Variants in NRG3 observed in about 807,000 individuals in gnomAD.
NRG3 encodes the protein neuregulin 3, also known as pro-neuregulin-3, membrane-bound isoform.
Under a neutral mutation model 66.9 loss-of-function variants are expected in NRG3, and 31 were observed. That is an observed-to-expected ratio of 0.46 (90% CI 0.35 to 0.63). NRG3 has a LOEUF of 0.63. Among genes scored for constraint, NRG3 ranks in the 20% least tolerant of loss-of-function variants. The probability of loss-of-function intolerance (pLI) is 0.00; values close to 1 mark genes in which losing one functional copy is unlikely to be tolerated. For missense variants in NRG3, 910 were observed against 878.9 expected (o/e 1.04, Z -0.45); for synonymous variants, 393 against 359.4 (o/e 1.09, Z -1.06).
chr10:82,513,543 A>T (rs566783431), intron 2 of NRG3, among the ~76,000 whole-genome samples: 15 of 152,162 alleles, frequency 9.9e-5, no homozygotes, highest in Non-Finnish European at 1.3e-4. Context: ...CAATGGTTGA[A>T]CTGACTTACA....
chr10:82,320,113 C>T (rs1015027820), intron 1 of NRG3, among the ~76,000 whole-genome samples: 1 of 152,150 alleles, frequency 6.6e-6, no homozygotes, highest in African/African-American at 2.4e-5. Context: ...GCATACCTGT[C>T]AATAAATTCT....
chr10:82,334,649 G>A lies in NRG3; in HGVS notation c.824-24090G>A, dbSNP rs145144484. 3.2e-4 allele frequency among the ~76,000 whole-genome samples: 49 copies of A among 152,230 alleles called. No homozygotes were observed. In the East Asian group the frequency reaches 7.1e-3, roughly 22 times the overall value. ...GCTGAGTGACCTTGGGGATATATAA[G>A]TATTTGATACAGACTTAATATGAGG... is the stretch of plus-strand genomic sequence containing the variant. On this transcript the variant is annotated intron_variant, in intron 1 of 8. Coordinates refer to ENST00000372141, the MANE Select transcript of NRG3 (RefSeq NM_001010848.4).
At chr10:82,848,179 T>A (rs532611113) in intron 3 of NRG3, among the ~76,000 whole-genome samples, 3 of 152,342 alleles carry the variant, frequency 2.0e-5, no homozygotes, top group African/African-American at 7.2e-5. Context: ...TTGGATGTCA[T>A]AGATACAATG....
chr10:82,380,696 A>G (rs2085559735), intron 2 of NRG3, among the ~76,000 whole-genome samples: 1 of 152,148 alleles, frequency 6.6e-6, no homozygotes, highest in African/African-American at 2.4e-5. Flanking sequence ...CATATTTTTG[A>G]GGGATTCTAG....
chr10:82,523,776 AAAG>A (rs1259095741), intron 2 of NRG3, among the ~76,000 whole-genome samples: 2 of 152,110 alleles, frequency 1.3e-5, no homozygotes, highest in African/African-American at 2.4e-5. Flanking sequence ...TTTTCCAAAC[AAAG>A]AAGGACTTCT....
intron 1 of NRG3, among the ~76,000 whole-genome samples, chr10:81,936,793 G>A (rs904361701): frequency 6.6e-6 from 1 of 151,968 alleles, no homozygotes; most frequent in Admixed American, 6.6e-5. Flanking sequence ...ATGAGGGTAG[G>A]GTCCAAAAGA....
chr10:82,081,447 A>C (rs2133413142), intron 1 of NRG3, among the ~76,000 whole-genome samples: 1 of 152,182 alleles, frequency 6.6e-6, no homozygotes, highest in South Asian at 2.1e-4. Context: ...AGGGAGTGAA[A>C]GTTACCTTGT....
intron 3 of NRG3, among the ~76,000 whole-genome samples, chr10:82,808,589 T>G (rs1411047075): frequency 1.3e-5 from 2 of 152,094 alleles, no homozygotes; most frequent in Non-Finnish European, 2.9e-5. Context: ...GAAAAAAATC[T>G]CTCCAATTAA....
At chr10:82,226,809 C>T (rs2076185771) in intron 1 of NRG3, among the ~76,000 whole-genome samples, 2 of 152,182 alleles carry the variant, frequency 1.3e-5, no homozygotes, top group South Asian at 4.1e-4. Flanking sequence ...AATTCCCCAT[C>T]TATTGGACTC....
chr10:82,216,494 A>C (rs577364215), intron 1 of NRG3, among the ~76,000 whole-genome samples: 1 of 147,976 alleles, frequency 6.8e-6, no homozygotes, highest in South Asian at 2.2e-4. Context: ...ATGTGTCTCT[A>C]TCTATACATA....
At chr10:82,309,493 T>A (rs771472561) in intron 1 of NRG3, among the ~76,000 whole-genome samples, 1 of 151,990 alleles carries the variant, frequency 6.6e-6, no homozygotes, top group Non-Finnish European at 1.5e-5. Flanking sequence ...GTTTACAGTC[T>A]CTTAAGAAGC....
In NRG3 at chr10:81,925,960, A is replaced by C. The variant is rs535692607; in HGVS notation, c.823+49797A>C. ...AAGAGGCCTAAATTACAGTGACTGT[A>C]AGAGAGGTATCTGCTGAAGGACCAT... On this transcript the variant is annotated intron_variant, in intron 1 of 8. Transcript: ENST00000372141. Among the ~76,000 whole-genome samples, 8 of 152,220 alleles carry C rather than the reference A, an allele frequency of 5.3e-5. No individual in the cohort carries two copies. The South Asian group carries it at 1.7e-3, about 32-fold the overall frequency.
chr10:81,909,501 A>G (rs1844916218), intron 1 of NRG3, among the ~76,000 whole-genome samples: 1 of 152,170 alleles, frequency 6.6e-6, no homozygotes, highest in Non-Finnish European at 1.5e-5. Context: ...GGGGTATCCA[A>G]GGGTTCCATC....
At chr10:82,805,804 A>G (rs1051577817) in intron 3 of NRG3, among the ~76,000 whole-genome samples, 1 of 152,204 alleles carries the variant, frequency 6.6e-6, no homozygotes, top group African/African-American at 2.4e-5. Context: ...AGATGGTCCT[A>G]TAGTCTCTAA....
chr10:82,084,254 A>G, intron 1 of NRG3, among the ~76,000 whole-genome samples: 1 of 152,054 alleles, frequency 6.6e-6, no homozygotes, highest in East Asian at 1.9e-4. Context: ...CATTTATAAT[A>G]CTAGTAAGGG....
rs1846747022 is a variant in NRG3 at position 82,526,790 on chromosome 10, G to A, written c.953+167922G>A. ...AAATTAAAGAAACTGAGAAAACAAA[G>A]AGTAGGAATGAGTTAGAAGAATTGA... On this transcript the variant is annotated intron_variant, in intron 2 of 8. Coordinates refer to ENST00000372141, the MANE Select transcript of NRG3 (RefSeq NM_001010848.4). Among the ~76,000 whole-genome samples, 4 of 152,082 alleles carry A rather than the reference G, an allele frequency of 2.6e-5. No homozygotes were observed. In the South Asian group the frequency reaches 8.3e-4, roughly 32 times the overall value.
At chr10:82,871,109 T>G (rs1841300259) in intron 4 of NRG3, among the ~76,000 whole-genome samples, 1 of 152,140 alleles carries the variant, frequency 6.6e-6, no homozygotes, top group Admixed American at 6.5e-5. Flanking sequence ...GAGTGTAAGG[T>G]CTGTGTCTAG....
chr10:81,944,397 AAT>A (rs1193319968), intron 1 of NRG3, among the ~76,000 whole-genome samples: 2 of 152,242 alleles, frequency 1.3e-5, no homozygotes, highest in Admixed American at 6.6e-5. Context: ...TGTCTCAAGA[AAT>A]ATGTCACCAT....
intron 2 of NRG3, among the ~76,000 whole-genome samples, chr10:82,620,461 T>C (rs2048970770): frequency 6.6e-6 from 1 of 152,092 alleles, no homozygotes; most frequent in Non-Finnish European, 1.5e-5. Context: ...TCTGGCCCTC[T>C]CCGGCTGGCT....
Sources: gnomAD v4.1 joint callset for allele counts (sites outside exome capture counted in the v4.1 genomes callset) on GRCh38, gnomAD v4.1.1 for gene constraint, MANE v1.5 for transcripts, NCBI Gene and HGNC (gene_info 2026-07-23, HGNC 2026-07-21) for gene names.